The following MDN1 variants were observed in gnomAD, a reference collection of about 807,000 sequenced individuals.
The protein encoded by MDN1 is midasin AAA ATPase 1.
In MDN1, 266 loss-of-function variants were observed where a neutral mutation model predicts 669.2. The observed-to-expected ratio is 0.40, with a 90% CI of 0.36 to 0.44. The LOEUF (loss-of-function observed/expected upper bound fraction) is 0.44, where lower values mean the gene tolerates loss of function less well. MDN1 is among the 20% of genes least tolerant of loss of function. The probability of loss-of-function intolerance (pLI) is 1.00; values close to 1 mark genes in which losing one functional copy is unlikely to be tolerated. For missense variants in MDN1, 5,940 were observed against 6,754.0 expected (o/e 0.88, Z 4.22); for synonymous variants, 2,385 against 2,457.1 (o/e 0.97, Z 0.87).
In MDN1 at chr6:89,732,538, C is replaced by T. The variant is rs1815666248; in HGVS notation, c.4942+19G>A. The T allele has an allele frequency of 6.2e-7, 1 of 1,611,390 alleles. No individual in the cohort carries two copies. Among genetic ancestry groups the T allele is most frequent in the Non-Finnish European group, 8.5e-7 (1 of 1,177,752 alleles). ...CTCTATACGAGCCCCTTGTCCCCAC[C>T]AGCTACCAGACAACATACCTGAACC... On this transcript the variant is annotated intron_variant, in intron 34 of 101. Coordinates refer to ENST00000369393, the MANE Select transcript of MDN1 (RefSeq NM_014611.3).
chr6:89,761,254 G>A (rs1817531151), intron 17 of MDN1, among the ~76,000 whole-genome samples: 1 of 152,008 alleles, frequency 6.6e-6, no homozygotes, highest in Non-Finnish European at 1.5e-5. Flanking sequence ...ATAGCATGGC[G>A]ACCATGCCAT....
At position 89,732,557 on chromosome 6, in the gene MDN1, C is replaced by A. The variant is rs1815667995; in HGVS notation, c.4942G>T (p.Gly1648Trp). The change falls in exon 34 of 102, where the codon GGG becomes TGG. Residue 1648 changes from glycine to tryptophan, a missense_variant and splice_region_variant. Coordinates refer to ENST00000369393, the MANE Select transcript of MDN1 (RefSeq NM_014611.3). ...CCCCACCAGCTACCAGACAACATAC[C>A]TGAACCTATTCCATCTATGTACACC... is the stretch of plus-strand genomic sequence containing the variant. ...CLVYIDGIGS[G>W]VTSSGFGTAL... The A allele has an allele frequency of 6.2e-7, 1 of 1,613,860 alleles. No homozygotes were observed. The highest frequency in any genetic ancestry group is 1.3e-5 in the African/African-American group (1 of 74,934).
At position 89,707,498 on chromosome 6, in the gene MDN1, G is replaced by A. The variant is rs548691179; in HGVS notation, c.7899-22C>T. On this transcript the variant is annotated intron_variant, in intron 51 of 101. Coordinates refer to ENST00000369393, the MANE Select transcript of MDN1 (RefSeq NM_014611.3). ...TGTCCTGGAATGAGATTCAAAAAAC[G>A]TAACAAATAGCTATCGGTTAATAAC... The A allele has an allele frequency of 6.0e-5, 83 of 1,380,102 alleles. No homozygotes were observed. The South Asian group carries it at 7.7e-4, about 13-fold the overall frequency. 85.5% of individuals were successfully genotyped at this position (1,380,102 alleles called of 1,614,324 possible).
In MDN1 at chr6:89,718,958, G is replaced by C. The variant is rs1304317247; in HGVS notation, c.6130C>G (p.Gln2044Glu). ...ATTGACTCCAGGGGTTGGAATGACT[G>C]GTGCAGGAGCAACAGGGGATGGCGG... The part of the protein sequence containing the change: ...PSRHPLLLLH[Q>E]SFQPLESIMK... The change falls in exon 42 of 102, where the codon CAG (glutamine) becomes GAG (glutamate). Residue 2044 changes from glutamine to glutamate, a missense_variant. Gln to Glu is a conservative substitution (Grantham distance 29). Around this residue, in one of 5 missense-constraint regions of MDN1, gnomAD observed 2,292 missense variants for 2,638.3 expected, o/e 0.87. Transcript: ENST00000369393. 6.2e-7 allele frequency: 1 copy of C among 1,614,038 alleles called. No homozygotes were observed. Among genetic ancestry groups the C allele is most frequent in the African/African-American group, 1.3e-5 (1 of 74,922 alleles).
In MDN1 at chr6:89,656,694, A is replaced by G. The variant is rs1809331911; in HGVS notation, c.15285+6T>C. The G allele has an allele frequency of 6.2e-7, 1 of 1,604,928 alleles. No homozygotes were observed. Among genetic ancestry groups the G allele is most frequent in the Non-Finnish European group, 8.5e-7 (1 of 1,174,538 alleles). On this transcript the variant is annotated splice_donor_region_variant and intron_variant, in intron 91 of 101. Coordinates refer to ENST00000369393, the MANE Select transcript of MDN1 (RefSeq NM_014611.3). The stretch of plus-strand genomic sequence containing the variant: ...CACCTAAGTTTAGCTGAGGAGTGAT[A>G]GAAACCTGTGTGTTTTTCCTGGTGT...
At chr6:89,809,651 C>T (rs1345664248) in intron 1 of MDN1, among the ~76,000 whole-genome samples, 1 of 151,900 alleles carries the variant, frequency 6.6e-6, no homozygotes, top group Non-Finnish European at 1.5e-5. Context: ...TGGCATATAC[C>T]TGTAGTCCCA....
Position 89,762,361 on chromosome 6 carries a change from G to A in MDN1, c.2314C>T (p.His772Tyr), listed in dbSNP as rs1562192553. 2 of 1,613,972 alleles carry A rather than the reference G, an allele frequency of 1.2e-6. No homozygotes were observed. Among genetic ancestry groups the A allele is most frequent in the Non-Finnish European group, 1.7e-6 (2 of 1,180,002 alleles). Reference sequence around the variant, plus strand: ...CCATCCTTGTTAACAGCAGACTTGTGTACATGCTGCATTAGTCTCAGGAGA... The same window carrying A: ...CCATCCTTGTTAACAGCAGACTTGTATACATGCTGCATTAGTCTCAGGAGA... ...HDLLRLMQHV[H>Y]KSAVNKDGKD... Residue 772 changes from histidine to tyrosine, a missense_variant, in exon 16 of 102, where the codon CAC becomes TAC. Transcript: ENST00000369393.
intron 76 of MDN1, 86 bp from the exon 77 acceptor site, chr6:89,676,293 GC>G: frequency 8.3e-7 from 1 of 1,200,216 alleles, no homozygotes. Context: ...GGTATATTTG[GC>G]CATAACCAAG....
Position 89,716,155 on chromosome 6 carries a change from T to A in MDN1, c.6744-386A>T, listed in dbSNP as rs182980889. Among the ~76,000 whole-genome samples the A allele has an allele frequency of 2.0e-5, 3 of 152,344 alleles. No individual in the cohort carries two copies. The East Asian group carries it at 5.8e-4, about 29-fold the overall frequency. ...AGATAAATGCTCCGTGAAGAAATAG[T>A]CATCATCTAACTTGTAGTAGCTTCT... On this transcript the variant is annotated intron_variant, in intron 44 of 101. Coordinates refer to ENST00000369393, the MANE Select transcript of MDN1 (RefSeq NM_014611.3).
intron 73 of MDN1, 39 bp downstream of exon 73, chr6:89,683,093 G>T: frequency 6.2e-7 from 1 of 1,601,272 alleles, no homozygotes; most frequent in Non-Finnish European, 8.6e-7. Context: ...CCACTTGACT[G>T]GCTTGGGAAT....
At chr6:89,705,513 G>GA (rs1813453685) in intron 53 of MDN1, among the ~76,000 whole-genome samples, 1 of 151,294 alleles carries the variant, frequency 6.6e-6, no homozygotes, top group Non-Finnish European at 1.5e-5. Flanking sequence ...ACAGGTGAGC[G>GA]AATAAAAAAA....
chr6:89,646,475 A>T, intron 100 of MDN1, 65 bp downstream of exon 100: 5 of 1,391,154 alleles, frequency 3.6e-6, no homozygotes, highest in Non-Finnish European at 5.1e-6. Flanking sequence ...AGCTGAAGCA[A>T]GCAGCTTGGG....
intron 13 of MDN1, among the ~76,000 whole-genome samples, chr6:89,773,056 A>G (rs1383817008): frequency 6.6e-6 from 1 of 152,206 alleles, no homozygotes; most frequent in Non-Finnish European, 1.5e-5. Flanking sequence ...GGGTAACAAC[A>G]GTACCTAGTT....
At position 89,728,808 on chromosome 6, in the gene MDN1, A is replaced by T. The variant is rs1482313816; in HGVS notation, c.5349+123T>A. 4.7e-6 allele frequency: 5 copies of T among 1,073,314 alleles called. No individual in the cohort carries two copies. In the African/African-American group the frequency reaches 8.0e-5, roughly 17 times the overall value. 66.5% of individuals were successfully genotyped at this position (1,073,314 alleles called of 1,614,324 possible). On this transcript the variant is annotated intron_variant, in intron 36 of 101. Coordinates refer to ENST00000369393, the MANE Select transcript of MDN1 (RefSeq NM_014611.3). The stretch of plus-strand genomic sequence containing the variant: ...ACTCTGTCTCAAAAAAACAAAGAAA[A>T]GAAAAGAAAAGAAAAATTTGAGGAT...
Position 89,738,579 on chromosome 6 carries a change from TCTA to T in MDN1, c.4594-127_4594-125del. ...ATACTACACACTTTTAAAAATTATTTCTACTATCAGATATAATTAATTGAAGAT... is the reference window on the plus strand; with the variant it reads ...ATACTACACACTTTTAAAAATTATTTCTATCAGATATAATTAATTGAAGAT... On this transcript the variant is annotated intron_variant, in intron 32 of 101. Transcript: ENST00000369393. 3.0e-6 allele frequency: 3 copies of T among 991,934 alleles called. No homozygotes were observed. In the South Asian group the frequency reaches 5.0e-5, roughly 16 times the overall value. The allele number at this position is 991,934 out of a possible 1,614,324, so 61.4% of individuals were successfully genotyped here.
Position 89,819,588 on chromosome 6 carries a change from T to G in MDN1, c.20A>C (p.Glu7Ala). 6.2e-7 allele frequency: 1 copy of G among 1,602,024 alleles called. No homozygotes were observed. Among genetic ancestry groups the G allele is most frequent in the Non-Finnish European group, 8.5e-7 (1 of 1,179,928 alleles). Residue 7 changes from glutamate to alanine, a missense_variant, in exon 1 of 102, where the codon GAG becomes GCG. Physicochemically the swap from Glu to Ala is moderately radical, Grantham distance 107. This residue lies in a region of MDN1 where 1,203 missense variants were observed against 1,268.9 expected (regional missense o/e 0.95). Coordinates refer to ENST00000369393, the MANE Select transcript of MDN1 (RefSeq NM_014611.3). ...TAACCGCAGCGGCGCGGCTGCCACC[T>G]CCAGCAAGAAGTGCTCCATGACCCA... MEHFLL[E>A]VAAAPLRLIA...
At position 89,778,794 on chromosome 6, in the gene MDN1, G is replaced by T. The variant is rs369214677; in HGVS notation, c.1725+1418C>A. Among the ~76,000 whole-genome samples the T allele has an allele frequency of 4.3e-4, 65 of 151,976 alleles. No homozygotes were observed. The East Asian group carries it at 0.012, about 28-fold the overall frequency. Reference sequence around the variant, plus strand: ...CCAGTTACTCGGGAGGCTGAGGCAGGAGAATGGTGGGAACCTGGGAGGTGG... The same window carrying T: ...CCAGTTACTCGGGAGGCTGAGGCAGTAGAATGGTGGGAACCTGGGAGGTGG... On this transcript the variant is annotated intron_variant, in intron 11 of 101. Coordinates refer to ENST00000369393, the MANE Select transcript of MDN1 (RefSeq NM_014611.3).
At chr6:89,701,783 T>A in intron 54 of MDN1, 105 bp from the exon 55 acceptor site, 1 of 1,518,068 alleles carries the variant, frequency 6.6e-7, no homozygotes, top group Non-Finnish European at 8.9e-7. Context: ...TAATTGTACA[T>A]TCACCAATAT....
At chr6:89,731,682 C>T (rs953837255) in intron 34 of MDN1, among the ~76,000 whole-genome samples, 7 of 152,038 alleles carry the variant, frequency 4.6e-5, no homozygotes, top group African/African-American at 1.2e-4. Context: ...ACCTAGATGA[C>T]GGGTTGATGG....
Sources: allele counts gnomAD v4.1 joint callset (sites outside exome capture counted in the v4.1 genomes callset), GRCh38; gene constraint gnomAD v4.1.1; regional missense constraint gnomAD v4.1.1; transcripts MANE v1.5; gene names NCBI Gene and HGNC (gene_info 2026-07-23, HGNC 2026-07-21).